Variants in CIRSR observed in about 807,000 individuals in gnomAD.
The protein encoded by CIRSR is corepressor of RBPJ and splicing regulator.
chr2:174,358,051 C>T, the CIRSR span: 1 of 152,112 alleles, frequency 6.6e-6, no homozygotes, highest in East Asian at 1.9e-4. Flanking sequence ...CAAGTTCATA[C>T]TGAAGACAGC....
At chr2:174,348,392 C>A in the CIRSR span, 4 of 1,486,808 alleles carry the variant, frequency 2.7e-6, no homozygotes, top group Non-Finnish European at 2.7e-6. Flanking sequence ...ATTAGAAAGA[C>A]AACAGTACAT....
chr2:174,356,746 A>G, the CIRSR span, among the ~76,000 whole-genome samples: 1 of 152,306 alleles, frequency 6.6e-6, no homozygotes, highest in Admixed American at 6.5e-5. Context: ...TTGCTACCCT[A>G]AAGTGAATAT....
chr2:174,356,083 T>C, the CIRSR span, among the ~76,000 whole-genome samples: 1 of 152,148 alleles, frequency 6.6e-6, no homozygotes, highest in Non-Finnish European at 1.5e-5. Context: ...ATCATTCTTT[T>C]CAAACAATGC....
the CIRSR span, among the ~76,000 whole-genome samples, chr2:174,352,975 A>T: frequency 2.6e-5 from 4 of 152,216 alleles, no homozygotes; most frequent in South Asian, 4.1e-4. Context: ...GCATATTATC[A>T]TGGAAAGCAA....
At chr2:174,350,842 A>G in the CIRSR span, 1 of 879,448 alleles carries the variant, frequency 1.1e-6, no homozygotes, top group Non-Finnish European at 1.7e-6. Flanking sequence ...TGTATCAGGG[A>G]CACACTGTAG....
At chr2:174,381,621 C>T in the CIRSR span, 44 of 985,620 alleles carry the variant, frequency 4.5e-5, no homozygotes, top group Non-Finnish European at 6.5e-5. Context: ...GGCACCACTG[C>T]ACTCCAGCCT....
At chr2:174,376,432 A>T in the CIRSR span, among the ~76,000 whole-genome samples, 1 of 152,186 alleles carries the variant, frequency 6.6e-6, no homozygotes, top group Admixed American at 6.5e-5. Context: ...AAACCCCACC[A>T]TAAGAGGGTT....
At chr2:174,354,444 TATTATATA>T in the CIRSR span, among the ~76,000 whole-genome samples, 9 of 15,582 alleles carry the variant, frequency 5.8e-4, no homozygotes, top group Non-Finnish European at 1.1e-3. Context: ...ATATATAATA[TATTATATA>T]ATATAATATA....
chr2:174,382,512 G>T, the CIRSR span, among the ~76,000 whole-genome samples: 1 of 152,068 alleles, frequency 6.6e-6, no homozygotes, highest in Non-Finnish European at 1.5e-5. Context: ...AGTGCTGCGT[G>T]CCTGTAATCC....
the CIRSR span, among the ~76,000 whole-genome samples, chr2:174,367,745 T>TAAAAA: frequency 1.7e-4 from 12 of 70,846 alleles, no homozygotes; most frequent in African/African-American, 7.2e-4. Context: ...TGCTGTCTCT[T>TAAAAA]AAAAAAAAAA....
the CIRSR span, chr2:174,378,815 C>A: frequency 1.2e-6 from 1 of 821,534 alleles, no homozygotes; most frequent in South Asian, 1.4e-5. Flanking sequence ...AACAAACAAG[C>A]CCCACACACA....
At chr2:174,354,007 A>C in the CIRSR span, among the ~76,000 whole-genome samples, 1 of 152,136 alleles carries the variant, frequency 6.6e-6, no homozygotes, top group Non-Finnish European at 1.5e-5. Context: ...AGGTTATACT[A>C]ATTTCATCAG....
chr2:174,395,679 T>C, the CIRSR span: 1 of 1,613,584 alleles, frequency 6.2e-7, no homozygotes, highest in Non-Finnish European at 8.5e-7. Flanking sequence ...GTAAACAAAC[T>C]CAGCCGCCTA....
chr2:174,367,175 G>A, the CIRSR span, among the ~76,000 whole-genome samples: 1 of 152,200 alleles, frequency 6.6e-6, no homozygotes, highest in Non-Finnish European at 1.5e-5. Flanking sequence ...GCTGGGTGTG[G>A]TGGCTCACAC....
At chr2:174,390,643 T>C in the CIRSR span, among the ~76,000 whole-genome samples, 1 of 152,140 alleles carries the variant, frequency 6.6e-6, no homozygotes, top group Admixed American at 6.5e-5. Context: ...GGTTTGGCTG[T>C]GTCCCCACCC....
At chr2:174,369,869 T>C in the CIRSR span, 1 of 1,167,820 alleles carries the variant, frequency 8.6e-7, no homozygotes, top group Non-Finnish European at 1.1e-6. Flanking sequence ...ATCACCATAA[T>C]GATATAATAA....
the CIRSR span, chr2:174,387,684 C>T: frequency 3.8e-6 from 6 of 1,576,924 alleles, no homozygotes; most frequent in South Asian, 1.2e-5. Flanking sequence ...GAATTTCTTA[C>T]CTATTATCAT....
At chr2:174,373,182 T>G in the CIRSR span, among the ~76,000 whole-genome samples, 3 of 152,198 alleles carry the variant, frequency 2.0e-5, no homozygotes, top group Admixed American at 1.3e-4. Flanking sequence ...TCAGACATTC[T>G]AAGATACAAG....
chr2:174,384,913 A>G, the CIRSR span, among the ~76,000 whole-genome samples: 2 of 152,170 alleles, frequency 1.3e-5, no homozygotes, highest in African/African-American at 2.4e-5. Flanking sequence ...AGACAGAATA[A>G]TAAATGTGAT....
Sources: allele counts gnomAD v4.1 joint callset (sites outside exome capture counted in the v4.1 genomes callset), GRCh38; gene constraint gnomAD v4.1.1; transcripts MANE v1.5; gene names NCBI Gene and HGNC (gene_info 2026-07-23, HGNC 2026-07-21).